ARIH1: variants seen among roughly 807,000 people sequenced by gnomAD.
ARIH1 encodes the protein ariadne RBR E3 ubiquitin protein ligase 1.
Under a neutral mutation model 85.0 loss-of-function variants are expected in ARIH1, and 8 were observed. The ratio of observed to expected loss-of-function variants is 0.09; its 90% CI spans 0.06 to 0.17. The LOEUF is 0.17. Ranked by LOEUF, ARIH1 falls within the 10% of genes least tolerant of loss-of-function variation. ARIH1 has a pLI of 1.00. For synonymous variants in ARIH1, 238 were observed against 253.6 expected, an observed-to-expected ratio of 0.94 and a Z score of 0.59; for missense variants, 311 against 718.1, an observed-to-expected ratio of 0.43 and a Z score of 6.48.
chr15:72,570,530 A>G (rs905329219), intron 10 of ARIH1, among the ~76,000 whole-genome samples: 3 of 152,244 alleles, frequency 2.0e-5, no homozygotes, highest in Non-Finnish European at 2.9e-5. Flanking sequence ...CCAAGAGTTC[A>G]TTAGTTATAA....
chr15:72,559,675 G>A (rs1260035055), intron 5 of ARIH1, among the ~76,000 whole-genome samples: 1 of 151,986 alleles, frequency 6.6e-6, no homozygotes, highest in African/African-American at 2.4e-5. Flanking sequence ...CCTTATATCC[G>A]TTAAGCAGTC....
Position 72,598,513 on chromosome 15 carries a change from A to C in ARIH1, c.*15221A>C, listed in dbSNP as rs1011982571. ...TGGATCACCTGAGATCAGGAGTTTG[A>C]GACCAGCCTGGCCAACATAGTGAAA... On this transcript the variant is annotated 3_prime_UTR_variant, in exon 14 of 14. Coordinates refer to ENST00000379887, the MANE Select transcript of ARIH1 (RefSeq NM_005744.5). 1.3e-5 allele frequency: 2 copies of C among 151,886 alleles called. No individual in the cohort carries two copies. Among genetic ancestry groups the C allele is most frequent in the Admixed American group, 1.3e-4 (2 of 15,248 alleles). The allele number at this position is 151,886 out of a possible 1,614,324, so 9.4% of individuals were successfully genotyped here.
chr15:72,501,399 A>G (rs1469872307), intron 1 of ARIH1, among the ~76,000 whole-genome samples: 1 of 152,228 alleles, frequency 6.6e-6, no homozygotes, highest in Admixed American at 6.5e-5. Flanking sequence ...ACAAATATAT[A>G]GTATGGATGA....
rs574584747 is a variant in ARIH1 at position 72,534,741 on chromosome 15, A to G, written c.444-10079A>G. 5.3e-5 allele frequency among the ~76,000 whole-genome samples: 8 copies of G among 152,080 alleles called. No individual in the cohort carries two copies. The South Asian group carries it at 1.7e-3, about 32-fold the overall frequency. On this transcript the variant is annotated intron_variant, in intron 2 of 13. Coordinates refer to ENST00000379887, the MANE Select transcript of ARIH1 (RefSeq NM_005744.5). ...TACTCCCCGGATTTGGGGTTTGAAA[A>G]CCTTGTGTACATTCACTCCATTCTG... is the stretch of plus-strand genomic sequence containing the variant.
chr15:72,493,266 T>A (rs574422870), intron 1 of ARIH1, among the ~76,000 whole-genome samples: 2 of 151,858 alleles, frequency 1.3e-5, no homozygotes, highest in South Asian at 4.2e-4. Flanking sequence ...GACTAACACT[T>A]TTTGGGGGGG....
chr15:72,474,494 G>C lies in ARIH1; in HGVS notation c.-146G>C. On this transcript the variant is annotated 5_prime_UTR_variant, in exon 1 of 14. Transcript: ENST00000379887. ...CACCAGCCGTCAAACGCCAACCGCCGCTCCTGGGGAGGAGCCGCGGCTCGC... is the reference window on the plus strand; with the variant it reads ...CACCAGCCGTCAAACGCCAACCGCCCCTCCTGGGGAGGAGCCGCGGCTCGC... 9.0e-7 allele frequency: 1 copy of C among 1,109,988 alleles called. No individual in the cohort carries two copies. Among genetic ancestry groups the C allele is most frequent in the Admixed American group, 3.4e-5 (1 of 29,012 alleles). 68.8% of individuals were successfully genotyped at this position (1,109,988 alleles called of 1,614,324 possible). A position where few individuals can be genotyped will look rare whatever the true frequency, so the allele number is the denominator to read the frequency against.
chr15:72,474,675 C>T lies in ARIH1; in HGVS notation c.36C>T (p.Asp12=). 5.7e-6 allele frequency: 9 copies of T among 1,567,160 alleles called. No individual in the cohort carries two copies. Among genetic ancestry groups the T allele is most frequent in the Non-Finnish European group, 7.8e-6 (9 of 1,158,308 alleles). ...ACGAGGGCTACAACTACGAGTTCGA[C>T]GAGGACGAGGAGTGCAGTGAGGAGG... ...DSDEGYNYEF[D]EDEECSEEDS... is the part of the protein sequence containing the mutation. The change falls in exon 1 of 14, where the codon GAC becomes GAT. Residue 12 remains aspartate (D), a synonymous_variant. Coordinates refer to ENST00000379887, the MANE Select transcript of ARIH1 (RefSeq NM_005744.5).
At chr15:72,506,003 G>T (rs1354008301) in intron 1 of ARIH1, among the ~76,000 whole-genome samples, 2 of 151,984 alleles carry the variant, frequency 1.3e-5, no homozygotes, top group African/African-American at 4.8e-5. Flanking sequence ...CAAAGTACTG[G>T]GATTACAGGT....
intron 1 of ARIH1, among the ~76,000 whole-genome samples, chr15:72,498,961 A>ATTTTTTTTTTTTTTTTTTTTTTTTTTT (rs535261674): frequency 1.1e-5 from 1 of 88,450 alleles, no homozygotes; most frequent in Non-Finnish European, 2.2e-5. Context: ...CTTTTCATAA[A>ATTTTTTTTTTTTTTTTTTTTTTTTTTT]TTTTTTTTTT....
intron 1 of ARIH1, among the ~76,000 whole-genome samples, chr15:72,486,013 G>C (rs2063836102): frequency 6.6e-6 from 1 of 152,060 alleles, no homozygotes; most frequent in African/African-American, 2.4e-5. Flanking sequence ...AAAGCCTCAT[G>C]TATATTTTTT....
chr15:72,555,250 C>T (rs1384433956), intron 3 of ARIH1, 21 bp from the exon 4 acceptor site: 3 of 1,563,336 alleles, frequency 1.9e-6, no homozygotes, highest in South Asian at 2.2e-5. Context: ...TTGTTAAGTT[C>T]ATGTTTTGTT....
intron 13 of ARIH1, 28 bp from the exon 14 acceptor site, chr15:72,583,180 G>GTTT (rs542674015): frequency 8.2e-5 from 106 of 1,291,470 alleles, no homozygotes; most frequent in South Asian, 2.3e-4. Flanking sequence ...CTGACAACAA[G>GTTT]TTTTTTTTTT....
intron 2 of ARIH1, among the ~76,000 whole-genome samples, chr15:72,527,682 A>G (rs942159467): frequency 6.6e-6 from 1 of 152,182 alleles, no homozygotes; most frequent in Non-Finnish European, 1.5e-5. Flanking sequence ...TTGTACTGTC[A>G]TTGGCCCAGG....
At chr15:72,549,391 G>A (rs2064143709) in intron 3 of ARIH1, among the ~76,000 whole-genome samples, 1 of 152,056 alleles carries the variant, frequency 6.6e-6, no homozygotes, top group Non-Finnish European at 1.5e-5. Flanking sequence ...GCCAGCCAGT[G>A]TCTCATTTTT....
chr15:72,533,541 T>G (rs2064067591), intron 2 of ARIH1, among the ~76,000 whole-genome samples: 1 of 152,190 alleles, frequency 6.6e-6, no homozygotes, highest in Non-Finnish European at 1.5e-5. Context: ...TAGAAAGAAA[T>G]ATGAAAAATT....
chr15:72,476,279 A>C (rs2063794780), intron 1 of ARIH1, among the ~76,000 whole-genome samples: 1 of 152,202 alleles, frequency 6.6e-6, no homozygotes, highest in South Asian at 2.1e-4. Flanking sequence ...AAAATCTCTG[A>C]TATCTAGTGC....
chr15:72,571,671 A>G (rs2140436292), intron 10 of ARIH1, among the ~76,000 whole-genome samples: 1 of 152,312 alleles, frequency 6.6e-6, no homozygotes, highest in East Asian at 1.9e-4. Context: ...AAGGTGAATA[A>G]TCCTGGAAAA....
intron 5 of ARIH1, among the ~76,000 whole-genome samples, chr15:72,559,706 C>A (rs2064189839): frequency 6.6e-6 from 1 of 152,116 alleles, no homozygotes; most frequent in Admixed American, 6.5e-5. Flanking sequence ...CCTTTCTCCC[C>A]CTAGACCCTA....
Position 72,521,294 on chromosome 15 carries a change from A to G in ARIH1, c.443+3160A>G, listed in dbSNP as rs185125221. ...TTTCTTAGAATATATCCTGTAATAT[A>G]AATTGTTTCACATGTGACAAACTTT... On this transcript the variant is annotated intron_variant, in intron 2 of 13. Coordinates refer to ENST00000379887, the MANE Select transcript of ARIH1 (RefSeq NM_005744.5). Among the ~76,000 whole-genome samples the G allele has an allele frequency of 2.1e-3, 298 of 145,220 alleles. 2 individuals carry two copies. The highest frequency in any genetic ancestry group is 8.0e-4 in the Non-Finnish European group (54 of 67,238).
Sources: gnomAD v4.1 joint callset for allele counts (sites outside exome capture counted in the v4.1 genomes callset) on GRCh38, gnomAD v4.1.1 for gene constraint, MANE v1.5 for transcripts, NCBI Gene and HGNC (gene_info 2026-07-23, HGNC 2026-07-21) for gene names.